Variants in PLCXD3 observed in about 807,000 individuals in gnomAD.
PLCXD3 encodes the protein phosphatidylinositol specific phospholipase C X domain containing 3.
A neutral mutation model predicts 25.5 loss-of-function variants in PLCXD3; 19 were observed. The observed-to-expected ratio is 0.75, with a 90% CI of 0.52 to 1.09. The LOEUF (loss-of-function observed/expected upper bound fraction) is 1.09. Ranked by LOEUF, PLCXD3 falls within the 50% of genes least tolerant of loss-of-function variation. The pLI is 0.00. For missense variants in PLCXD3, 411 were observed against 388.1 expected (o/e 1.06, Z -0.50); for synonymous variants, 174 against 137.6 (o/e 1.26, Z -1.85).
intron 1 of PLCXD3, among the ~76,000 whole-genome samples, chr5:41,500,842 A>T (rs1360945406): frequency 1.3e-5 from 2 of 151,968 alleles, no homozygotes; most frequent in African/African-American, 4.8e-5. Context: ...AAAATATATA[A>T]GGAATTCCTA....
intron 1 of PLCXD3, among the ~76,000 whole-genome samples, chr5:41,500,757 G>A (rs1373060200): frequency 1.3e-5 from 2 of 151,646 alleles, no homozygotes; most frequent in East Asian, 3.9e-4. Flanking sequence ...CTCTCTGCAG[G>A]AAAAGAAATA....
intron 2 of PLCXD3, among the ~76,000 whole-genome samples, chr5:41,360,468 C>CT (rs1744740553): frequency 6.6e-6 from 1 of 152,088 alleles, no homozygotes; most frequent in Non-Finnish European, 1.5e-5. Flanking sequence ...TTTCTGGTTC[C>CT]TTCTCATTTG....
chr5:41,326,161 T>C (rs1743621690), intron 2 of PLCXD3, among the ~76,000 whole-genome samples: 1 of 152,184 alleles, frequency 6.6e-6, no homozygotes, highest in Non-Finnish European at 1.5e-5. Flanking sequence ...CACCTATCTT[T>C]CTATCCCTCC....
At chr5:41,452,950 G>T (rs955692920) in intron 1 of PLCXD3, among the ~76,000 whole-genome samples, 1 of 151,886 alleles carries the variant, frequency 6.6e-6, no homozygotes, top group Admixed American at 6.6e-5. Context: ...TGTATACATT[G>T]TGGAATAGAT....
At chr5:41,349,156 G>T (rs966287954) in intron 2 of PLCXD3, among the ~76,000 whole-genome samples, 4 of 152,134 alleles carry the variant, frequency 2.6e-5, no homozygotes, top group Non-Finnish European at 4.4e-5. Flanking sequence ...AAGACCCCTA[G>T]CTCTATCTAG....
intron 1 of PLCXD3, among the ~76,000 whole-genome samples, chr5:41,434,838 T>C (rs1262315332): frequency 2.0e-5 from 3 of 152,150 alleles, no homozygotes; most frequent in African/African-American, 4.8e-5. Flanking sequence ...CTGCTATGCT[T>C]GTGCCTGGAG....
intron 1 of PLCXD3, among the ~76,000 whole-genome samples, chr5:41,427,194 T>C (rs1746980997): frequency 6.6e-6 from 1 of 152,166 alleles, no homozygotes; most frequent in African/African-American, 2.4e-5. Context: ...TTTCTTTCAA[T>C]ATTTCCCACT....
intron 1 of PLCXD3, among the ~76,000 whole-genome samples, chr5:41,474,458 C>T (rs1351188247): frequency 6.6e-6 from 1 of 152,206 alleles, no homozygotes; most frequent in Non-Finnish European, 1.5e-5. Flanking sequence ...TCATGACCCT[C>T]ATTCTTTCAG....
chr5:41,488,182 G>C (rs2150524649), intron 1 of PLCXD3, among the ~76,000 whole-genome samples: 1 of 150,192 alleles, frequency 6.7e-6, no homozygotes, highest in South Asian at 2.1e-4. Context: ...GTGTTTGTTT[G>C]GTTTTTTGTT....
intron 1 of PLCXD3, among the ~76,000 whole-genome samples, chr5:41,423,250 A>G (rs1746871521): frequency 6.6e-6 from 1 of 152,110 alleles, no homozygotes; most frequent in Admixed American, 6.5e-5. Context: ...ATGGTTTGGT[A>G]GATTATGCTG....
intron 2 of PLCXD3, among the ~76,000 whole-genome samples, chr5:41,355,680 C>T (rs2150483048): frequency 6.6e-6 from 1 of 152,312 alleles, no homozygotes; most frequent in South Asian, 2.1e-4. Context: ...AACATCTTTG[C>T]ATTGCCTTCA....
chr5:41,403,394 A>ATTTTTTTTTTTTTTTTGTTTGTTTGTT (rs1554047940), intron 1 of PLCXD3, among the ~76,000 whole-genome samples: 1 of 15,722 alleles, frequency 6.4e-5, no homozygotes, highest in Non-Finnish European at 1.7e-4. Context: ...AGATTGACTT[A>ATTTTTTTTTTTTTTTTGTTTGTTTGTT]TTTGTTGTTT....
At chr5:41,471,873 T>C (rs1392427332) in intron 1 of PLCXD3, among the ~76,000 whole-genome samples, 38 of 1,328 alleles carry the variant, frequency 0.029, 4 homozygotes, top group Middle Eastern at 0.5. Flanking sequence ...TTCCCTTCCC[T>C]TCCCCTCCCT....
intron 1 of PLCXD3, among the ~76,000 whole-genome samples, chr5:41,473,413 G>A (rs1035383374): frequency 7.9e-5 from 12 of 151,790 alleles, no homozygotes; most frequent in African/African-American, 2.9e-4. Flanking sequence ...TTAGGTTAGT[G>A]CAAAAGTAAT....
intron 1 of PLCXD3, among the ~76,000 whole-genome samples, chr5:41,481,102 TAAAAAAAAAAAAAAAA>T (rs554092157): frequency 1.4e-5 from 1 of 72,908 alleles, no homozygotes; most frequent in African/African-American, 5.4e-5. Context: ...ACCTAATTTG[TAAAAAAAAAAAAAAAA>T]AAAAAAAAAG....
intron 1 of PLCXD3, among the ~76,000 whole-genome samples, chr5:41,424,745 G>A (rs890049450): frequency 2.0e-5 from 3 of 151,926 alleles, no homozygotes; most frequent in African/African-American, 7.3e-5. Flanking sequence ...TATAATATGT[G>A]TTACTTAGTA....
chr5:41,394,911 A>G (rs1036294272), intron 1 of PLCXD3, among the ~76,000 whole-genome samples: 4 of 152,150 alleles, frequency 2.6e-5, no homozygotes, highest in Non-Finnish European at 4.4e-5. Context: ...AGCATTGGAC[A>G]GATCTTCCAG....
chr5:41,395,398 A>G (rs933348643), intron 1 of PLCXD3, among the ~76,000 whole-genome samples: 12 of 152,070 alleles, frequency 7.9e-5, no homozygotes, highest in Non-Finnish European at 2.9e-5. Context: ...GAATAATCTA[A>G]TAATCTTAAA....
rs566417826 is a variant in PLCXD3, at chr5:41,507,817, T to C, written c.103+2607A>G. Among the ~76,000 whole-genome samples the C allele has an allele frequency of 2.6e-5, 4 of 152,362 alleles. No individual in the cohort carries two copies. The South Asian group carries it at 8.3e-4, about 32-fold the overall frequency. On this transcript the variant is annotated intron_variant, in intron 1 of 2. Transcript: ENST00000377801. ...ATTACTTAATTTGAGCTGTAGCAAC[T>C]GGCCAAGTAAACATGTAGCAGCCAG...
Sources: gnomAD v4.1 joint callset for allele counts (sites outside exome capture counted in the v4.1 genomes callset) on GRCh38, gnomAD v4.1.1 for gene constraint, MANE v1.5 for transcripts, NCBI Gene and HGNC (gene_info 2026-07-23, HGNC 2026-07-21) for gene names.